DYNC2H1: variants seen among roughly 807,000 people sequenced by gnomAD.
The protein encoded by DYNC2H1 is cytoplasmic dynein 2 heavy chain 1.
In DYNC2H1, 410 loss-of-function variants were observed where a neutral mutation model predicts 570.0. The observed-to-expected ratio is 0.72, with a 90% CI of 0.66 to 0.78. The LOEUF (loss-of-function observed/expected upper bound fraction) is 0.78. Among genes scored for constraint, DYNC2H1 ranks in the 30% least tolerant of loss-of-function variants. The pLI is 0.00. For missense variants in DYNC2H1, 4,865 were observed against 5,046.4 expected, an observed-to-expected ratio of 0.96 and a Z score of 1.09; for synonymous variants, 1,688 against 1,677.6, an observed-to-expected ratio of 1.01 and a Z score of -0.15.
chr11:103,110,247 C>T (rs1024159173), intron 1 of DYNC2H1, among the ~76,000 whole-genome samples: 2 of 152,102 alleles, frequency 1.3e-5, no homozygotes, highest in Non-Finnish European at 2.9e-5. Flanking sequence ...TCTCCATCTC[C>T]TGACCTCAAG....
intron 85 of DYNC2H1, among the ~76,000 whole-genome samples, chr11:103,447,176 T>C (rs1181184575): frequency 6.6e-6 from 1 of 152,164 alleles, no homozygotes; most frequent in Non-Finnish European, 1.5e-5. Context: ...GGTACTTTTT[T>C]ATATCAAATA....
chr11:103,255,652 G>A (rs1865027490), intron 67 of DYNC2H1, 118 bp downstream of exon 67: 4 of 1,044,908 alleles, frequency 3.8e-6, no homozygotes, highest in Non-Finnish European at 5.3e-6. Context: ...AGACATATTA[G>A]TGTATATCTT....
Position 103,261,090 on chromosome 11 carries a change from A to T in DYNC2H1, c.10695+1113A>T, listed in dbSNP as rs560490141. Among the ~76,000 whole-genome samples the T allele has an allele frequency of 1.3e-5, 2 of 152,296 alleles. No individual in the cohort carries two copies. The highest frequency in any genetic ancestry group is 6.8e-3 in the Middle Eastern group (2 of 294). On this transcript the variant is annotated intron_variant, in intron 70 of 88. Coordinates refer to ENST00000375735, the MANE Select transcript of DYNC2H1 (RefSeq NM_001377.3). This position sits in a 1 kb window ranked among gnomAD's most constrained non-coding sequence, Gnocchi z 4.8. ...ACAGTTAATGTATTTTTAGAACAGG[A>T]TAGTAATTTTTGTGATTTTGTTGAG...
chr11:103,321,803 A>G (rs313403), intron 81 of DYNC2H1, among the ~76,000 whole-genome samples: 72,391 of 151,850 alleles, frequency 0.48, 18,205 homozygotes, highest in Admixed American at 0.59. Flanking sequence ...TAATAAGTAT[A>G]GCCAAAAGAT....
intron 75 of DYNC2H1, among the ~76,000 whole-genome samples, chr11:103,302,410 G>T (rs949285030): frequency 6.6e-5 from 10 of 152,032 alleles, no homozygotes; most frequent in African/African-American, 2.4e-4. Flanking sequence ...AGTACCTGTG[G>T]ATTGCTTTAT....
intron 67 of DYNC2H1, 24 bp downstream of exon 67, chr11:103,255,558 A>AC: frequency 1.3e-6 from 2 of 1,508,816 alleles, no homozygotes; most frequent in Non-Finnish European, 8.8e-7. Flanking sequence ...TATTTAGGTT[A>AC]CTTTTTTCGT....
intron 84 of DYNC2H1, among the ~76,000 whole-genome samples, chr11:103,434,639 C>G (rs1029575413): frequency 6.6e-6 from 1 of 152,104 alleles, no homozygotes; most frequent in Non-Finnish European, 1.5e-5. Context: ...TGCTGCAGAA[C>G]AAATCTCACC....
At chr11:103,449,935 A>G (rs535673417) in intron 85 of DYNC2H1, among the ~76,000 whole-genome samples, 10 of 152,280 alleles carry the variant, frequency 6.6e-5, no homozygotes, top group Non-Finnish European at 1.5e-5. Flanking sequence ...AGACCCAACT[A>G]TGATGGCCAT....
At chr11:103,313,844 C>A (rs965653217) in intron 79 of DYNC2H1, among the ~76,000 whole-genome samples, 7 of 152,016 alleles carry the variant, frequency 4.6e-5, no homozygotes, top group Admixed American at 3.9e-4. Context: ...AATATGTATA[C>A]CACACTTATG....
At chr11:103,266,590 C>G (rs1865514321) in intron 70 of DYNC2H1, among the ~76,000 whole-genome samples, 1 of 152,170 alleles carries the variant, frequency 6.6e-6, no homozygotes, top group African/African-American at 2.4e-5. Flanking sequence ...ACTGCACTTT[C>G]ACATGCTGGT....
At chr11:103,248,020 G>T (rs1864682085) in intron 65 of DYNC2H1, among the ~76,000 whole-genome samples, 1 of 152,024 alleles carries the variant, frequency 6.6e-6, no homozygotes, top group Admixed American at 6.6e-5. Context: ...AGATATAGGG[G>T]CTATGGTGAA....
intron 42 of DYNC2H1, 107 bp from the exon 43 acceptor site, chr11:103,187,233 C>A: frequency 6.9e-7 from 1 of 1,456,122 alleles, no homozygotes; most frequent in Non-Finnish European, 9.3e-7. Flanking sequence ...TCATCATATA[C>A]ATTTTAGAAA....
chr11:103,118,527 A>T (rs1858537975), intron 6 of DYNC2H1, among the ~76,000 whole-genome samples: 1 of 151,610 alleles, frequency 6.6e-6, no homozygotes, highest in Non-Finnish European at 1.5e-5. Context: ...CTTTTTTTTT[A>T]AATGGAATAT....
intron 14 of DYNC2H1, 38 bp from the exon 15 acceptor site, chr11:103,134,283 G>A: frequency 1.3e-6 from 2 of 1,584,574 alleles, no homozygotes; most frequent in Non-Finnish European, 1.7e-6. Flanking sequence ...TATTTTTCCA[G>A]CAATACTTTG....
intron 85 of DYNC2H1, among the ~76,000 whole-genome samples, chr11:103,441,184 C>A (rs536602771): frequency 6.6e-6 from 1 of 152,078 alleles, no homozygotes; most frequent in Non-Finnish European, 1.5e-5. Flanking sequence ...TTTCAGTGAA[C>A]AAACCCAGCT....
intron 80 of DYNC2H1, among the ~76,000 whole-genome samples, chr11:103,320,007 T>C (rs1028359576): frequency 3.9e-5 from 6 of 152,208 alleles, no homozygotes; most frequent in African/African-American, 7.2e-5. Flanking sequence ...TCAATTTTTG[T>C]CATATCTCTA....
intron 84 of DYNC2H1, among the ~76,000 whole-genome samples, chr11:103,411,159 G>A (rs901292358): frequency 6.6e-6 from 1 of 152,088 alleles, no homozygotes; most frequent in Non-Finnish European, 1.5e-5. Flanking sequence ...ATTAGAATAT[G>A]AGGAAAGAAG....
Position 103,479,141 on chromosome 11 carries a change from T to TTTAC in DYNC2H1, c.12813_12816dup (p.Thr4273LeufsTer5). ...CCGGATGAGTGCATCTCTTTGCCTG[T>TTTAC]TTACACAAGTGCTGAAAGGGATCGT... is the stretch of plus-strand genomic sequence containing the variant. On this transcript the variant is annotated frameshift_variant, in exon 89 of 89. Transcript: ENST00000375735. LOFTEE classifies it high-confidence loss of function. 1 of 1,613,828 alleles carries TTTAC rather than the reference T, an allele frequency of 6.2e-7. No homozygotes were observed. The highest frequency in any genetic ancestry group is 8.5e-7 in the Non-Finnish European group (1 of 1,179,774).
intron 84 of DYNC2H1, among the ~76,000 whole-genome samples, chr11:103,409,002 G>C (rs535927217): frequency 7.9e-5 from 12 of 152,098 alleles, no homozygotes; most frequent in Admixed American, 7.9e-4. Flanking sequence ...CTGAAGCCTC[G>C]TGTGGCCATT....
Sources: gnomAD v4.1 joint callset for allele counts (sites outside exome capture counted in the v4.1 genomes callset) on GRCh38, gnomAD v4.1.1 for gene constraint, Gnocchi (gnomAD v3.1) non-coding constraint, MANE v1.5 for transcripts, NCBI Gene and HGNC (gene_info 2026-07-23, HGNC 2026-07-21) for gene names.